CENPW: variants seen among roughly 807,000 people sequenced by gnomAD.
CENPW encodes the protein cancer-up-regulated gene 2 protein.
Under a neutral mutation model 11.1 loss-of-function variants are expected in CENPW, and 3 were observed. That is an observed-to-expected ratio of 0.27 (90% CI 0.12 to 0.70). The LOEUF is 0.70. Among genes scored for constraint, CENPW ranks in the 30% least tolerant of loss-of-function variants. The pLI is 0.77. For synonymous variants in CENPW, 38 were observed against 42.0 expected (o/e 0.91, Z 0.37); for missense variants, 100 against 105.6 (o/e 0.95, Z 0.23).
the CENPW span, among the ~76,000 whole-genome samples, chr6:126,428,798 G>A: frequency 6.6e-6 from 1 of 151,862 alleles, no homozygotes; most frequent in African/African-American, 2.4e-5. Flanking sequence ...TTGTAAAGTT[G>A]GATACATAAT....
the CENPW span, among the ~76,000 whole-genome samples, chr6:126,403,635 C>T: frequency 6.6e-6 from 1 of 151,926 alleles, no homozygotes; most frequent in African/African-American, 2.4e-5. Context: ...GGAAATAAGA[C>T]ATCTCTGTAA....
At chr6:126,447,587 C>T in the CENPW span, among the ~76,000 whole-genome samples, 1 of 151,160 alleles carries the variant, frequency 6.6e-6, no homozygotes, top group African/African-American at 2.4e-5. Context: ...ATGTTCACTT[C>T]ACTCAGTTCT....
the CENPW span, among the ~76,000 whole-genome samples, chr6:126,439,566 A>T: frequency 6.6e-6 from 1 of 151,538 alleles, no homozygotes; most frequent in Non-Finnish European, 1.5e-5. Flanking sequence ...TATTATATTG[A>T]AAAGTTTCAG....
At chr6:126,459,432 A>C in the CENPW span, among the ~76,000 whole-genome samples, 4 of 151,622 alleles carry the variant, frequency 2.6e-5, no homozygotes, top group Admixed American at 2.0e-4. Flanking sequence ...TTTACCTTAA[A>C]AGATGATTTA....
chr6:126,462,361 A>G, the CENPW span, among the ~76,000 whole-genome samples: 1 of 151,970 alleles, frequency 6.6e-6, no homozygotes, highest in African/African-American at 2.4e-5. Context: ...GCTTTTCTCA[A>G]GATACAGTTT....
At chr6:126,476,045 T>C in the CENPW span, among the ~76,000 whole-genome samples, 1 of 151,384 alleles carries the variant, frequency 6.6e-6, no homozygotes, top group East Asian at 1.9e-4. Context: ...ATTCCTCCAC[T>C]CTTTCTACCA....
chr6:126,447,389 A>G, the CENPW span, among the ~76,000 whole-genome samples: 2 of 151,228 alleles, frequency 1.3e-5, no homozygotes, highest in Non-Finnish European at 3.0e-5. Flanking sequence ...GTGGCAAATA[A>G]AAAGTTGGGA....
At chr6:126,370,214 G>A in the CENPW span, among the ~76,000 whole-genome samples, 1 of 152,142 alleles carries the variant, frequency 6.6e-6, no homozygotes, top group Non-Finnish European at 1.5e-5. Flanking sequence ...GATGCCTTCA[G>A]ATTTGTTCTT....
the CENPW span, among the ~76,000 whole-genome samples, chr6:126,357,701 C>G: frequency 6.6e-6 from 1 of 152,040 alleles, no homozygotes; most frequent in Non-Finnish European, 1.5e-5. Flanking sequence ...CTCCACCTCC[C>G]AGGTTCAAGT....
the CENPW span, among the ~76,000 whole-genome samples, chr6:126,415,485 C>T: frequency 6.6e-6 from 1 of 152,014 alleles, no homozygotes; most frequent in Non-Finnish European, 1.5e-5. Context: ...AAGATTGAGA[C>T]TTATAGAAGT....
the CENPW span, among the ~76,000 whole-genome samples, chr6:126,369,328 T>C: frequency 6.6e-6 from 1 of 152,202 alleles, no homozygotes; most frequent in African/African-American, 2.4e-5. Context: ...AAATGGTAGT[T>C]CTACTTTTCA....
At chr6:126,440,422 A>T in the CENPW span, among the ~76,000 whole-genome samples, 2 of 151,706 alleles carry the variant, frequency 1.3e-5, no homozygotes, top group African/African-American at 4.8e-5. Context: ...GTTAAAAAGT[A>T]ATTTAGTAAC....
At chr6:126,455,104 G>A in the CENPW span, among the ~76,000 whole-genome samples, 1 of 151,140 alleles carries the variant, frequency 6.6e-6, no homozygotes, top group Non-Finnish European at 1.5e-5. Flanking sequence ...AAAAACCCCA[G>A]GACCAAATGG....
chr6:126,419,738 C>A, the CENPW span, among the ~76,000 whole-genome samples: 1 of 152,142 alleles, frequency 6.6e-6, no homozygotes, highest in Non-Finnish European at 1.5e-5. Context: ...CCTTTTCTAC[C>A]TTCTAGACAC....
chr6:126,371,747 T>C, the CENPW span, among the ~76,000 whole-genome samples: 1 of 152,128 alleles, frequency 6.6e-6, no homozygotes, highest in Non-Finnish European at 1.5e-5. Context: ...ATTTGTATTT[T>C]AATCTCACTA....
the CENPW span, among the ~76,000 whole-genome samples, chr6:126,360,803 CA>C: frequency 2.0e-5 from 3 of 152,064 alleles, no homozygotes; most frequent in Middle Eastern, 3.4e-3. Context: ...ATGGTTATTT[CA>C]TCTTTCAGCT....
the CENPW span, among the ~76,000 whole-genome samples, chr6:126,439,334 A>G: frequency 6.6e-6 from 1 of 151,638 alleles, no homozygotes; most frequent in African/African-American, 2.4e-5. Flanking sequence ...TAGGGATGAA[A>G]ATATTCTCCA....
the CENPW span, among the ~76,000 whole-genome samples, chr6:126,465,817 A>G: frequency 6.6e-6 from 1 of 152,134 alleles, no homozygotes; most frequent in African/African-American, 2.4e-5. Flanking sequence ...ATTAGTGGTG[A>G]AAATGATTCT....
chr6:126,476,103 C>G, the CENPW span, among the ~76,000 whole-genome samples: 1 of 151,274 alleles, frequency 6.6e-6, no homozygotes, highest in Non-Finnish European at 1.5e-5. Context: ...AAAAAAAAAT[C>G]AGGTGATTAA....
Sources: allele counts gnomAD v4.1 joint callset (sites outside exome capture counted in the v4.1 genomes callset), GRCh38; gene constraint gnomAD v4.1.1; transcripts MANE v1.5; gene names NCBI Gene and HGNC (gene_info 2026-07-23, HGNC 2026-07-21).